Variants in SOX30 observed in about 807,000 individuals in gnomAD.
SOX30 encodes SRY-box transcription factor 30.
A neutral mutation model predicts 58.6 loss-of-function variants in SOX30; 17 were observed. That is an observed-to-expected ratio of 0.29 (90% CI 0.20 to 0.44). The LOEUF is 0.44. Ranked by LOEUF, SOX30 falls within the 20% of genes least tolerant of loss-of-function variation. The probability of loss-of-function intolerance (pLI) is 1.00; values close to 1 mark genes in which losing one functional copy is unlikely to be tolerated. For synonymous variants in SOX30, 421 were observed against 400.2 expected, an observed-to-expected ratio of 1.05 and a Z score of -0.62; for missense variants, 951 against 965.8, an observed-to-expected ratio of 0.98 and a Z score of 0.20.
upstream of SOX30, among the ~76,000 whole-genome samples, chr5:157,655,229 G>A (rs1457786937): frequency 6.6e-6 from 1 of 152,140 alleles, no homozygotes; most frequent in African/African-American, 2.4e-5. Flanking sequence ...GGTAAGTGGT[G>A]GGGTCCGGTA....
At position 157,651,482 on chromosome 5, in the gene SOX30, C is replaced by G. The variant is rs527370444; in HGVS notation, c.597G>C (p.Gly199=). 1.1e-5 allele frequency: 18 copies of G among 1,613,482 alleles called. No individual in the cohort carries two copies. The highest frequency in any genetic ancestry group is 8.8e-5 in the South Asian group (8 of 91,086). ...GGATGGCTGCCGGGCTTTTGCCTGCCCCGCCTTGCATCGAGTCTCTCATGA... is the reference window on the plus strand; with the variant it reads ...GGATGGCTGCCGGGCTTTTGCCTGCGCCGCCTTGCATCGAGTCTCTCATGA... ...EEVMRDSMQG[G]AGKSPAAIRE... Residue 199 remains glycine, a synonymous_variant, in exon 1 of 5, where the codon GGG becomes GGC. Coordinates refer to ENST00000265007, the MANE Select transcript of SOX30 (RefSeq NM_178424.2).
At chr5:157,629,660 T>G (rs1460406358) in intron 4 of SOX30, among the ~76,000 whole-genome samples, 1 of 152,184 alleles carries the variant, frequency 6.6e-6, no homozygotes, top group African/African-American at 2.4e-5. Context: ...ATGTAAGCAT[T>G]TACTATTTTT....
chr5:157,664,735 G>T (rs1245201786), intron 2 of SOX30, among the ~76,000 whole-genome samples: 6 of 152,112 alleles, frequency 3.9e-5, no homozygotes, highest in Admixed American at 6.5e-5. Context: ...AATCTACAGA[G>T]AACTTAAACA....
At chr5:157,645,746 C>A (rs892209308) in intron 3 of SOX30, among the ~76,000 whole-genome samples, 9 of 151,782 alleles carry the variant, frequency 5.9e-5, no homozygotes, top group African/African-American at 2.2e-4. Context: ...GGGGGCCAGG[C>A]GTGGTGGCTC....
intron 3 of SOX30, among the ~76,000 whole-genome samples, chr5:157,642,934 C>T (rs1276505102): frequency 6.6e-6 from 1 of 152,070 alleles, no homozygotes; most frequent in East Asian, 1.9e-4. Flanking sequence ...CTAAAGAAGA[C>T]CTTAAGATTT....
chr5:157,628,250 G>C (rs1758707609), intron 4 of SOX30, among the ~76,000 whole-genome samples: 1 of 151,938 alleles, frequency 6.6e-6, no homozygotes, highest in African/African-American at 2.4e-5. Flanking sequence ...CAAAGGCATA[G>C]AGCAGGAATT....
At chr5:157,641,872 C>G (rs1232045936) in intron 3 of SOX30, among the ~76,000 whole-genome samples, 1 of 152,126 alleles carries the variant, frequency 6.6e-6, no homozygotes, top group Non-Finnish European at 1.5e-5. Context: ...ATAAAACTCA[C>G]TGTTACAGGG....
rs573678536 is a variant in SOX30, at chr5:157,660,487, A to AAT, written c.52+7309_52+7310dup. ...AATAAAATAAAATATAAAATAAAATAATAAAATATAAAAAATATACCCTTG... is the reference window on the plus strand; with the variant it reads ...AATAAAATAAAATATAAAATAAAATAATATAAAATATAAAAAATATACCCTTG... On this transcript the variant is annotated intron_variant, in intron 2 of 5. Transcript: ENST00000519442. 2.8e-4 allele frequency among the ~76,000 whole-genome samples: 43 copies of AAT among 151,348 alleles called. No individual in the cohort carries two copies. In the South Asian group the frequency reaches 8.9e-3, roughly 31 times the overall value.
intron 4 of SOX30, among the ~76,000 whole-genome samples, chr5:157,634,136 A>G (rs182000740): frequency 6.6e-6 from 1 of 152,144 alleles, no homozygotes; most frequent in Non-Finnish European, 1.5e-5. Flanking sequence ...TTGTAAAATG[A>G]CTCCTTGATT....
intron 1 of SOX30, among the ~76,000 whole-genome samples, chr5:157,649,543 A>G (rs151331657): frequency 8.9e-4 from 136 of 152,326 alleles, no homozygotes; most frequent in African/African-American, 3.1e-3. Flanking sequence ...TAATCCCAGC[A>G]CTTTGGGAGG....
At chr5:157,658,526 C>T (rs1267227059) in intron 2 of SOX30, among the ~76,000 whole-genome samples, 1 of 152,144 alleles carries the variant, frequency 6.6e-6, no homozygotes, top group African/African-American at 2.4e-5. Context: ...ATGAATCTTC[C>T]AGATATCACC....
exon 1 of SOX30, chr5:157,671,395 G>A (rs1365118014): frequency 3.6e-6 from 2 of 555,096 alleles, no homozygotes. Context: ...CACGGCGGAT[G>A]CCGAGGGACA....
rs369810092 is a variant in SOX30, at chr5:157,652,300, G to C, written c.-222C>G. ...CCGGCTCTTCCTGGTCCCTACTCTC[G>C]CCTCGTGCTGAGTCCTCGAATCACC... is the stretch of plus-strand genomic sequence containing the variant. On this transcript the variant is annotated 5_prime_UTR_variant, in exon 1 of 5. Transcript: ENST00000265007. The C allele has an allele frequency of 8.1e-7, 1 of 1,237,156 alleles. No homozygotes were observed. Among genetic ancestry groups the C allele is most frequent in the Non-Finnish European group, 1.0e-6 (1 of 992,312 alleles). 76.6% of individuals were successfully genotyped at this position (1,237,156 alleles called of 1,614,324 possible). A position where few individuals can be genotyped will look rare whatever the true frequency, so the allele number is the denominator to read the frequency against.
rs765716599 is a variant in SOX30, at chr5:157,626,373, C to T, written c.2229G>A (p.Glu743=). The stretch of plus-strand genomic sequence containing the variant: ...CCCTGAGCACTTTTTCTTCTTCCTC[C>T]TCATCACTGTCGGTGACATTGACTT... The part of the protein sequence containing the change: ...IQQVNVTDSD[E]EEEEKVLRDL Residue 743 remains glutamate, a synonymous_variant, in exon 5 of 5, where the codon GAG becomes GAA. Transcript: ENST00000265007. The T allele has an allele frequency of 6.2e-7, 1 of 1,612,762 alleles. No individual in the cohort carries two copies. Among genetic ancestry groups the T allele is most frequent in the Non-Finnish European group, 8.5e-7 (1 of 1,179,496 alleles).
upstream of SOX30, among the ~76,000 whole-genome samples, chr5:157,654,698 T>C (rs1040873489): frequency 1.3e-4 from 20 of 152,130 alleles, no homozygotes; most frequent in Non-Finnish European, 2.4e-4. Context: ...ACCTTGCTGA[T>C]AAAACGGGTT....
rs775928712 is a variant in SOX30 at position 157,651,715 on chromosome 5, T to A, written c.364A>T (p.Arg122Trp). ...PPTASDGATS[R>W]PELHPVQPLA... ...GGCTGCACCGGGTGCAACTCGGGCCTGGAGGTGGCGCCGTCTGACGCTGTC... is the reference window on the plus strand; with the variant it reads ...GGCTGCACCGGGTGCAACTCGGGCCAGGAGGTGGCGCCGTCTGACGCTGTC... Residue 122 changes from arginine to tryptophan, a missense_variant, in exon 1 of 5, where the codon AGG (arginine) becomes TGG (tryptophan). Physicochemically the swap from Arg to Trp is moderately radical, Grantham distance 101. Around this residue, in one of 7 missense-constraint regions of SOX30, gnomAD observed 363 missense variants for 294.5 expected, o/e 1.23. Transcript: ENST00000265007. 1 of 1,579,546 alleles carries A rather than the reference T, an allele frequency of 6.3e-7. No individual in the cohort carries two copies. The highest frequency in any genetic ancestry group is 2.3e-5 in the East Asian group (1 of 42,786).
chr5:157,626,554 T>A lies in SOX30; in HGVS notation c.2048A>T (p.Glu683Val), dbSNP rs1171960861. The change falls in exon 5 of 5, where the codon GAA (glutamate) becomes GTA (valine). Residue 683 changes from glutamate to valine, a missense_variant. This residue lies in a region of SOX30 where 381 missense variants were observed against 390.0 expected (regional missense o/e 0.98). Coordinates refer to ENST00000265007, the MANE Select transcript of SOX30 (RefSeq NM_178424.2). ...CATGTTCTCACAACTCCGAGAATTT[T>A]CACTGTGTGTGCATTCACTTGAGTA... ...RDYSSECTHSENSRSCENMNG... is the reference protein window; with the variant it reads ...RDYSSECTHSVNSRSCENMNG... 18 of 1,614,094 alleles carry A rather than the reference T, an allele frequency of 1.1e-5. No individual in the cohort carries two copies. Among genetic ancestry groups the A allele is most frequent in the Non-Finnish European group, 1.4e-5 (17 of 1,180,030 alleles).
chr5:157,651,019 A>G (rs1759315112), intron 1 of SOX30, 93 bp downstream of exon 1: 1 of 939,076 alleles, frequency 1.1e-6, no homozygotes, highest in African/African-American at 1.6e-5. Context: ...CCATTACTTT[A>G]CTTTTGTAGT....
upstream of SOX30, among the ~76,000 whole-genome samples, chr5:157,654,921 A>T (rs1759442347): frequency 6.6e-6 from 1 of 152,230 alleles, no homozygotes; most frequent in African/African-American, 2.4e-5. Flanking sequence ...AAAAATGGGC[A>T]ACCAGCAGCC....
Sources: allele counts gnomAD v4.1 joint callset (sites outside exome capture counted in the v4.1 genomes callset), GRCh38; gene constraint gnomAD v4.1.1; regional missense constraint gnomAD v4.1.1; transcripts MANE v1.5; gene names NCBI Gene and HGNC (gene_info 2026-07-23, HGNC 2026-07-21).